Variants in IQGAP2 observed in about 807,000 individuals in gnomAD.
The protein encoded by IQGAP2 is IQ motif containing GTPase activating protein 2.
A neutral mutation model predicts 201.3 loss-of-function variants in IQGAP2; 173 were observed. That is an observed-to-expected ratio of 0.86 (90% CI 0.76 to 0.98). The LOEUF is 0.98. Among genes scored for constraint, IQGAP2 ranks in the 50% least tolerant of loss-of-function variants. IQGAP2 has a pLI of 0.00. For synonymous variants in IQGAP2, 675 were observed against 673.9 expected, an observed-to-expected ratio of 1.00 and a Z score of -0.03; for missense variants, 1,687 against 1,864.8, an observed-to-expected ratio of 0.90 and a Z score of 1.76.
chr5:76,512,286 C>T (rs1269290776), intron 2 of IQGAP2, among the ~76,000 whole-genome samples: 7 of 152,164 alleles, frequency 4.6e-5, no homozygotes, highest in Admixed American at 2.0e-4. Context: ...GATCGTAAGA[C>T]ACATTGAAAG....
At chr5:76,670,914 T>G (rs1054017712) in intron 23 of IQGAP2, among the ~76,000 whole-genome samples, 1 of 152,226 alleles carries the variant, frequency 6.6e-6, no homozygotes, top group African/African-American at 2.4e-5. Context: ...CCTTCTAGAT[T>G]GAAATTGAGG....
intron 2 of IQGAP2, among the ~76,000 whole-genome samples, chr5:76,540,663 A>G (rs1203287542): frequency 6.6e-6 from 1 of 152,234 alleles, no homozygotes; most frequent in Non-Finnish European, 1.5e-5. Context: ...GGTGCGGAAC[A>G]TCAGGGCTAC....
At position 76,707,190 on chromosome 5, in the gene IQGAP2, A is replaced by C. The variant is rs1747981589; in HGVS notation, c.4615-10A>C. On this transcript the variant is annotated splice_polypyrimidine_tract_variant and intron_variant, in intron 35 of 35. Coordinates refer to ENST00000274364, the MANE Select transcript of IQGAP2 (RefSeq NM_006633.5). The stretch of plus-strand genomic sequence containing the variant: ...AAGTTGAGATTTAATGATGCTTTTT[A>C]CAATTTCAGGATTTACTTCAGATGC... 1.7e-6 allele frequency: 2 copies of C among 1,143,448 alleles called. No individual in the cohort carries two copies. Among genetic ancestry groups the C allele is most frequent in the African/African-American group, 1.5e-5 (1 of 65,114 alleles). The allele number at this position is 1,143,448 out of a possible 1,614,324, so 70.8% of individuals were successfully genotyped here.
intron 2 of IQGAP2, among the ~76,000 whole-genome samples, chr5:76,551,218 C>G (rs112147387): frequency 6.7e-6 from 1 of 148,854 alleles, no homozygotes; most frequent in Non-Finnish European, 1.5e-5. Context: ...GGGTCGGGGC[C>G]GGGCAGAGGC....
intron 2 of IQGAP2, among the ~76,000 whole-genome samples, chr5:76,514,992 A>T (rs1220286918): frequency 6.6e-6 from 1 of 152,216 alleles, no homozygotes; most frequent in African/African-American, 2.4e-5. Context: ...GCAATAGCTG[A>T]TATGTTTCTG....
chr5:76,575,629 T>G, intron 4 of IQGAP2, 64 bp from the exon 5 acceptor site: 1 of 949,744 alleles, frequency 1.1e-6, no homozygotes, highest in Non-Finnish European at 1.6e-6. Flanking sequence ...AGGGTCATTT[T>G]GGGAAGTTAA....
chr5:76,471,306 G>A (rs1327157383), intron 2 of IQGAP2, among the ~76,000 whole-genome samples: 2 of 136,722 alleles, frequency 1.5e-5, no homozygotes, highest in Non-Finnish European at 3.1e-5. Context: ...AAGAGAAAAT[G>A]CACAGAAAAC....
chr5:76,498,923 G>T (rs75688785), intron 2 of IQGAP2, among the ~76,000 whole-genome samples: 3,476 of 152,300 alleles, frequency 0.023, 142 homozygotes, highest in African/African-American at 0.079. Flanking sequence ...GTTGTTACGG[G>T]GTGGGATGAG....
intron 35 of IQGAP2, among the ~76,000 whole-genome samples, chr5:76,705,788 A>G (rs1668411762): frequency 6.6e-6 from 1 of 152,340 alleles, no homozygotes; most frequent in Non-Finnish European, 1.5e-5. Context: ...AACTTCTACA[A>G]TTGACCTTGC....
chr5:76,639,920 A>C (rs564011820), intron 16 of IQGAP2, among the ~76,000 whole-genome samples: 1 of 152,358 alleles, frequency 6.6e-6, no homozygotes, highest in South Asian at 2.1e-4. Flanking sequence ...CTAAAAATTT[A>C]TATGCCATGG....
At chr5:76,660,883 G>A (rs998821456) in intron 21 of IQGAP2, among the ~76,000 whole-genome samples, 3 of 152,140 alleles carry the variant, frequency 2.0e-5, no homozygotes, top group Non-Finnish European at 4.4e-5. Context: ...TGCAGAGGGC[G>A]ATAGAATTAG....
At chr5:76,662,864 C>T (rs1743387998) in intron 21 of IQGAP2, among the ~76,000 whole-genome samples, 1 of 152,138 alleles carries the variant, frequency 6.6e-6, no homozygotes, top group African/African-American at 2.4e-5. Context: ...AATCAACTCC[C>T]CTCCCTCCTT....
chr5:76,450,449 G>A (rs1458563253), intron 1 of IQGAP2, among the ~76,000 whole-genome samples: 1 of 152,178 alleles, frequency 6.6e-6, no homozygotes, highest in Non-Finnish European at 1.5e-5. Flanking sequence ...ACTCTATAGA[G>A]CAATCTATTA....
At chr5:76,406,062 C>G (rs1750784246) in intron 1 of IQGAP2, among the ~76,000 whole-genome samples, 1 of 152,210 alleles carries the variant, frequency 6.6e-6, no homozygotes, top group Non-Finnish European at 1.5e-5. Flanking sequence ...CTGTTCTGCT[C>G]TCTCTCCTAC....
intron 13 of IQGAP2, chr5:76,617,954 A>G: frequency 1.2e-6 from 2 of 1,614,180 alleles, no homozygotes; most frequent in Non-Finnish European, 1.7e-6. Context: ...AGGACTCGCA[A>G]GTGTTGTGAA....
At chr5:76,641,773 A>G (rs1751607845) in intron 17 of IQGAP2, among the ~76,000 whole-genome samples, 1 of 152,152 alleles carries the variant, frequency 6.6e-6, no homozygotes, top group Non-Finnish European at 1.5e-5. Context: ...TTGTGAGTTC[A>G]AAGGGGTATT....
chr5:76,530,139 C>A (rs1272422852), intron 2 of IQGAP2, among the ~76,000 whole-genome samples: 1 of 152,006 alleles, frequency 6.6e-6, no homozygotes, highest in East Asian at 1.9e-4. Context: ...AGCCATAGGC[C>A]ATAAACAAAT....
chr5:76,685,499 G>A (rs1745654542), intron 30 of IQGAP2, among the ~76,000 whole-genome samples: 1 of 152,152 alleles, frequency 6.6e-6, no homozygotes, highest in South Asian at 2.1e-4. Flanking sequence ...CAGATAATCT[G>A]AATATCATAT....
At chr5:76,532,767 G>A (rs1372930919) in intron 2 of IQGAP2, among the ~76,000 whole-genome samples, 2 of 152,170 alleles carry the variant, frequency 1.3e-5, no homozygotes, top group Non-Finnish European at 2.9e-5. Flanking sequence ...CCGTGCCCTT[G>A]GAAACATCAG....
Sources: gnomAD v4.1 joint callset for allele counts (sites outside exome capture counted in the v4.1 genomes callset) on GRCh38, gnomAD v4.1.1 for gene constraint, MANE v1.5 for transcripts, NCBI Gene and HGNC (gene_info 2026-07-23, HGNC 2026-07-21) for gene names.